Variants in RBMS2 observed in about 807,000 individuals in gnomAD.
The protein encoded by RBMS2 is RNA-binding motif, single-stranded-interacting protein 2.
A neutral mutation model predicts 58.4 loss-of-function variants in RBMS2; 38 were observed. The ratio of observed to expected loss-of-function variants is 0.65; its 90% confidence interval spans 0.50 to 0.85. The LOEUF is 0.85. Among genes scored for constraint, RBMS2 ranks in the 40% least tolerant of loss-of-function variants. The pLI, the probability that RBMS2 is intolerant of heterozygous loss-of-function variation, is 0.00. For missense variants in RBMS2, 367 were observed against 503.7 expected (o/e 0.73, Z 2.60); for synonymous variants, 151 against 180.7 (o/e 0.84, Z 1.32).
At chr12:56,553,241 T>A (rs1193382778) in intron 1 of RBMS2, among the ~76,000 whole-genome samples, 1 of 151,022 alleles carries the variant, frequency 6.6e-6, no homozygotes, top group East Asian at 2.0e-4. Flanking sequence ...AGACAGAGTA[T>A]CACTCTATTA....
intron 1 of RBMS2, among the ~76,000 whole-genome samples, chr12:56,534,216 C>T (rs1874334599): frequency 6.6e-6 from 1 of 152,116 alleles, no homozygotes. Context: ...TACAATATTT[C>T]ATTTGTGAAT....
At position 56,588,353 on chromosome 12, in the gene RBMS2, T is replaced by G; in HGVS notation, c.1122T>G (p.Pro374=). 6.2e-7 allele frequency: 1 copy of G among 1,613,508 alleles called. No individual in the cohort carries two copies. Among genetic ancestry groups the G allele is most frequent in the East Asian group, 2.2e-5 (1 of 44,874 alleles). The part of the protein sequence containing the change: ...GAYISQYTPV[P]SSSVSVEESS... ...ACATCTCCCAGTACACCCCTGTGCC[T>G]TCTTCCAGTGTTTCAGTCGAGGTAA... The change falls in exon 12 of 14, where the codon CCT becomes CCG. Residue 374 remains proline, a synonymous_variant. Transcript: ENST00000262031.
chr12:56,538,756 A>G (rs1169568182), intron 1 of RBMS2, among the ~76,000 whole-genome samples: 1 of 152,106 alleles, frequency 6.6e-6, no homozygotes, highest in Non-Finnish European at 1.5e-5. Context: ...CTGGGATTAC[A>G]GGCGTGAGCC....
rs559097501 is a variant in RBMS2, at chr12:56,551,699, T to C, written c.67-10718T>C. ...GTTCAGGAAAAGGTACAGAAATTAA[T>C]TTTAGACTTGCAGAATTTGAGATTA... On this transcript the variant is annotated intron_variant, in intron 1 of 13. Transcript: ENST00000262031. Among the ~76,000 whole-genome samples the C allele has an allele frequency of 2.0e-4, 31 of 152,286 alleles. No individual in the cohort carries two copies. In the South Asian group the frequency reaches 6.4e-3, roughly 32 times the overall value.
intron 2 of RBMS2, among the ~76,000 whole-genome samples, chr12:56,562,898 G>A (rs923095733): frequency 2.0e-5 from 3 of 152,144 alleles, no homozygotes; most frequent in East Asian, 3.8e-4. Flanking sequence ...CTAGGCGGGC[G>A]GATCACGAGG....
chr12:56,569,550 G>A (rs1235751001), intron 3 of RBMS2, among the ~76,000 whole-genome samples: 2 of 152,126 alleles, frequency 1.3e-5, no homozygotes, highest in Non-Finnish European at 2.9e-5. Context: ...TACATGCCTA[G>A]CATTTCTGGG....
In RBMS2 at chr12:56,594,886, C is replaced by T. The variant is rs1192197399; in HGVS notation, c.*5753C>T. 6.6e-6 allele frequency: 1 copy of T among 152,196 alleles called. No homozygotes were observed. 9.4% of individuals were successfully genotyped at this position (152,196 alleles called of 1,614,324 possible). A position where few individuals can be genotyped will look rare whatever the true frequency, so the allele number is the denominator to read the frequency against. On this transcript the variant is annotated 3_prime_UTR_variant, in exon 14 of 14. Coordinates refer to ENST00000262031, the MANE Select transcript of RBMS2 (RefSeq NM_002898.4). ...CTGGATTCACTGATTTCTTTACTGT[C>T]CTTCTCTGAGGGTTGGGAAGGTGGG...
intron 1 of RBMS2, among the ~76,000 whole-genome samples, chr12:56,552,649 A>G (rs2694905): frequency 0.93 from 141,276 of 151,980 alleles, 66,312 homozygotes; most frequent in East Asian, 1. Flanking sequence ...CCTCAAGCCC[A>G]GGAGTACGAA....
Position 56,546,435 on chromosome 12 carries a change from TATA to T in RBMS2, c.67-15978_67-15976del, listed in dbSNP as rs985029732. On this transcript the variant is annotated intron_variant, in intron 1 of 13. Coordinates refer to ENST00000262031, the MANE Select transcript of RBMS2 (RefSeq NM_002898.4). The stretch of plus-strand genomic sequence containing the variant: ...TTATAATGTAAAATATAATGTATAA[TATA>T]ATATGTATAATAAAATAATATAAAA... Among the ~76,000 whole-genome samples the T allele has an allele frequency of 5.5e-5, 8 of 145,622 alleles. No homozygotes were observed. The South Asian group carries it at 8.3e-4, about 15-fold the overall frequency.
rs544046685 is a variant in RBMS2, at chr12:56,545,784, A to T, written c.67-16633A>T. ...CTTTCTTCCCTTTTATGGCTGAATA[A>T]ATATTTCATCATATGAATATATCAT... On this transcript the variant is annotated intron_variant, in intron 1 of 13. Transcript: ENST00000262031. Among the ~76,000 whole-genome samples the T allele has an allele frequency of 3.9e-5, 6 of 152,292 alleles. No individual in the cohort carries two copies. In the South Asian group the frequency reaches 1.2e-3, roughly 32 times the overall value.
chr12:56,548,650 G>T (rs1371142901), intron 1 of RBMS2, among the ~76,000 whole-genome samples: 1 of 152,152 alleles, frequency 6.6e-6, no homozygotes, highest in African/African-American at 2.4e-5. Flanking sequence ...CTGGCTCCAG[G>T]AATATGTATT....
At chr12:56,552,512 T>C (rs552692971) in intron 1 of RBMS2, among the ~76,000 whole-genome samples, 158 of 152,246 alleles carry the variant, frequency 1.0e-3, no homozygotes, top group Middle Eastern at 6.8e-3. Flanking sequence ...CAGCCACACG[T>C]AAAAGCAGAA....
At chr12:56,561,095 C>T (rs1880305668) in intron 1 of RBMS2, among the ~76,000 whole-genome samples, 2 of 152,164 alleles carry the variant, frequency 1.3e-5, no homozygotes, top group African/African-American at 4.8e-5. Flanking sequence ...AGGACAGGAT[C>T]TCATTCTTCT....
At chr12:56,520,818 G>A (rs777415213), upstream of RBMS2, among the ~76,000 whole-genome samples, 2 of 152,112 alleles carry the variant, frequency 1.3e-5, no homozygotes, top group African/African-American at 2.4e-5. Flanking sequence ...TCCAGGTTTG[G>A]TGAGTTACTG....
chr12:56,564,482 C>T (rs1029094419), intron 2 of RBMS2, among the ~76,000 whole-genome samples: 1 of 152,128 alleles, frequency 6.6e-6, no homozygotes, highest in Non-Finnish European at 1.5e-5. Flanking sequence ...CCCACCTCAG[C>T]CTCCTGAGTA....
chr12:56,569,992 T>G lies in RBMS2; in HGVS notation c.384+2T>G. 2 of 1,605,216 alleles carry G rather than the reference T, an allele frequency of 1.2e-6. No homozygotes were observed. Among genetic ancestry groups the G allele is most frequent in the Non-Finnish European group, 1.7e-6 (2 of 1,172,048 alleles). ...GGTGTACAGGCACAGATGGCAAAGG[T>G]AAGGGTACTACCCCATGTCTGTTCC... On this transcript the variant is annotated splice_donor_variant, in intron 4 of 13. Transcript: ENST00000262031. LOFTEE classifies it high-confidence loss of function.
At chr12:56,573,987 C>G (rs942538826) in intron 5 of RBMS2, among the ~76,000 whole-genome samples, 2 of 152,040 alleles carry the variant, frequency 1.3e-5, no homozygotes, top group African/African-American at 2.4e-5. Context: ...ATTACAGGCG[C>G]CCGCCACCAT....
At position 56,591,225 on chromosome 12, in the gene RBMS2, G is replaced by C. The variant is rs775704184; in HGVS notation, c.*2092G>C. ...AGAGAGACAGGTGTTCATTAGGCTG[G>C]CCATAGGGAGAGGAAGGGGGTGACA... is the stretch of plus-strand genomic sequence containing the variant. On this transcript the variant is annotated 3_prime_UTR_variant, in exon 14 of 14. Transcript: ENST00000262031. 8 of 152,188 alleles carry C rather than the reference G, an allele frequency of 5.3e-5. No homozygotes were observed. Among genetic ancestry groups the C allele is most frequent in the Non-Finnish European group, 1.0e-4 (7 of 68,052 alleles). 9.4% of individuals were successfully genotyped at this position (152,188 alleles called of 1,614,324 possible). A position where few individuals can be genotyped will look rare whatever the true frequency, so the allele number is the denominator to read the frequency against.
chr12:56,563,008 A>G lies in RBMS2; in HGVS notation c.233+425A>G, dbSNP rs556580389. Reference sequence around the variant, plus strand: ...CATGGTGGCGGGTGCCTGTAGTCCCAGCTACTTAGAAGGCTGAGGCAGGAG... The same window carrying G: ...CATGGTGGCGGGTGCCTGTAGTCCCGGCTACTTAGAAGGCTGAGGCAGGAG... On this transcript the variant is annotated intron_variant, in intron 2 of 13. Coordinates refer to ENST00000262031, the MANE Select transcript of RBMS2 (RefSeq NM_002898.4). Among the ~76,000 whole-genome samples the G allele has an allele frequency of 1.7e-3, 258 of 152,302 alleles. 1 individual carries two copies. Among genetic ancestry groups the G allele is most frequent in the African/African-American group, 6.1e-3 (252 of 41,570 alleles).
Sources: gnomAD v4.1 joint callset for allele counts (sites outside exome capture counted in the v4.1 genomes callset) on GRCh38, gnomAD v4.1.1 for gene constraint, MANE v1.5 for transcripts, NCBI Gene and HGNC (gene_info 2026-07-23, HGNC 2026-07-21) for gene names.